ADARB2: variants seen among roughly 807,000 people sequenced by gnomAD.
ADARB2 encodes the protein inactive double-stranded RNA-specific editase B2.
Under a neutral mutation model 62.2 loss-of-function variants are expected in ADARB2, and 25 were observed. The observed-to-expected ratio is 0.40, with a 90% CI of 0.29 to 0.56. ADARB2 has a LOEUF of 0.56. Among genes scored for constraint, ADARB2 ranks in the 20% least tolerant of loss-of-function variants. ADARB2 has a pLI of 0.43. For missense variants in ADARB2, 1,071 were observed against 1,077.4 expected (o/e 0.99, Z 0.08); for synonymous variants, 572 against 500.8 (o/e 1.14, Z -1.90).
At chr10:1,692,548 G>T (rs535023274) in intron 1 of ADARB2, among the ~76,000 whole-genome samples, 31 of 152,154 alleles carry the variant, frequency 2.0e-4, no homozygotes, top group Non-Finnish European at 4.4e-4. Context: ...GGCAGACTAC[G>T]GAGCAGGAGT....
chr10:1,483,134 A>G (rs1054885357), intron 1 of ADARB2, among the ~76,000 whole-genome samples: 2 of 152,228 alleles, frequency 1.3e-5, no homozygotes, highest in Admixed American at 1.3e-4. Context: ...CTTTGAACCT[A>G]TGGTAAACAT....
chr10:1,183,900 C>T (rs1199603875), intron 9 of ADARB2, among the ~76,000 whole-genome samples: 2 of 152,358 alleles, frequency 1.3e-5, no homozygotes, highest in South Asian at 2.1e-4. Flanking sequence ...CCAAATCCCA[C>T]AGCGGGTCTT....
intron 3 of ADARB2, among the ~76,000 whole-genome samples, chr10:1,323,466 C>G (rs1831814437): frequency 6.6e-6 from 1 of 152,066 alleles, no homozygotes; most frequent in Non-Finnish European, 1.5e-5. Flanking sequence ...CATAGACAAG[C>G]TTATTCTAAA....
At chr10:1,247,727 A>G (rs1589164848) in intron 4 of ADARB2, among the ~76,000 whole-genome samples, 2 of 152,100 alleles carry the variant, frequency 1.3e-5, no homozygotes, top group East Asian at 3.9e-4. Context: ...TTTTCTTAAC[A>G]CCCCCATCAC....
At chr10:1,309,458 C>T (rs927524331) in intron 3 of ADARB2, among the ~76,000 whole-genome samples, 3 of 152,186 alleles carry the variant, frequency 2.0e-5, no homozygotes, top group Non-Finnish European at 4.4e-5. Context: ...GGGCTGGCTC[C>T]TAGGTTGGGG....
At chr10:1,685,081 C>T (rs756088321) in intron 1 of ADARB2, among the ~76,000 whole-genome samples, 2 of 152,106 alleles carry the variant, frequency 1.3e-5, no homozygotes, top group African/African-American at 2.4e-5. Flanking sequence ...AGGACCATGT[C>T]GAGTCTGGAG....
intron 1 of ADARB2, among the ~76,000 whole-genome samples, chr10:1,716,583 G>A (rs960188693): frequency 3.9e-5 from 6 of 152,192 alleles, no homozygotes; most frequent in Admixed American, 6.5e-5. Flanking sequence ...AACATGGCAT[G>A]TGTCTCTTTT....
intron 1 of ADARB2, among the ~76,000 whole-genome samples, chr10:1,417,396 G>A (rs1232400100): frequency 6.6e-6 from 1 of 152,136 alleles, no homozygotes; most frequent in Non-Finnish European, 1.5e-5. Flanking sequence ...AGCCCAGAGG[G>A]TCGGGAAGAG....
chr10:1,556,865 G>A (rs1427652039), intron 1 of ADARB2: 2 of 529,942 alleles, frequency 3.8e-6, no homozygotes, highest in Non-Finnish European at 7.8e-6. Context: ...CTCCTCATGG[G>A]GGAAGGTTTG....
At chr10:1,539,988 A>G (rs1832393257) in intron 1 of ADARB2, among the ~76,000 whole-genome samples, 1 of 152,198 alleles carries the variant, frequency 6.6e-6, no homozygotes. Flanking sequence ...GTGGTTGACA[A>G]GTGAACAAAA....
chr10:1,284,986 G>A (rs1177611868), intron 3 of ADARB2, among the ~76,000 whole-genome samples: 2 of 152,166 alleles, frequency 1.3e-5, no homozygotes, highest in African/African-American at 2.4e-5. Context: ...GGACAGGTGA[G>A]TGGCTGGGGA....
intron 1 of ADARB2, among the ~76,000 whole-genome samples, chr10:1,411,036 C>T (rs542749976): frequency 1.1e-4 from 17 of 152,288 alleles, no homozygotes; most frequent in Admixed American, 2.6e-4. Flanking sequence ...CTGGTGTCTG[C>T]GCTCCTCCCT....
intron 1 of ADARB2, among the ~76,000 whole-genome samples, chr10:1,488,667 G>C (rs142162730): frequency 6.6e-6 from 1 of 152,134 alleles, no homozygotes; most frequent in Non-Finnish European, 1.5e-5. Context: ...TCTTTTTGGC[G>C]AATGCACGTC....
At chr10:1,333,269 A>G (rs1389404353) in intron 3 of ADARB2, among the ~76,000 whole-genome samples, 5 of 152,184 alleles carry the variant, frequency 3.3e-5, no homozygotes, top group Non-Finnish European at 5.9e-5. Context: ...GCACCTAGTG[A>G]TGCTTTGCTG....
intron 1 of ADARB2, among the ~76,000 whole-genome samples, chr10:1,536,096 A>G (rs747490217): frequency 1.3e-5 from 2 of 152,156 alleles, no homozygotes; most frequent in African/African-American, 2.4e-5. Context: ...AGCTCCTGGC[A>G]GGGTGGGTCC....
intron 1 of ADARB2, among the ~76,000 whole-genome samples, chr10:1,711,415 T>G (rs1417684833): frequency 6.6e-6 from 1 of 152,148 alleles, no homozygotes; most frequent in Non-Finnish European, 1.5e-5. Flanking sequence ...GAGACCAGCA[T>G]GGATCCTAGG....
chr10:1,600,809 T>C (rs1833402633), intron 1 of ADARB2, among the ~76,000 whole-genome samples: 3 of 152,164 alleles, frequency 2.0e-5, no homozygotes, highest in South Asian at 2.1e-4. Flanking sequence ...CAGCACATGT[T>C]TGGGCAAATC....
In ADARB2 at chr10:1,255,629, T is replaced by C. The variant is rs934619677; in HGVS notation, c.1193-13330A>G. The stretch of plus-strand genomic sequence containing the variant: ...GTTCCCCATCAGGGAATGGAACTTC[T>C]CCAAACCTGATGGGCTGTCGGTGAG... On this transcript the variant is annotated intron_variant, in intron 4 of 9. Coordinates refer to ENST00000381312, the MANE Select transcript of ADARB2 (RefSeq NM_018702.4). The surrounding 1 kb of genome is among the most constrained non-coding windows in gnomAD (Gnocchi z 4.7). 1.3e-5 allele frequency among the ~76,000 whole-genome samples: 2 copies of C among 152,210 alleles called. No homozygotes were observed. Among genetic ancestry groups the C allele is most frequent in the African/African-American group, 4.8e-5 (2 of 41,458 alleles).
chr10:1,246,359 A>G (rs1238312873), intron 4 of ADARB2, among the ~76,000 whole-genome samples: 1 of 135,936 alleles, frequency 7.4e-6, no homozygotes, highest in African/African-American at 2.8e-5. Context: ...CCATTTGTCA[A>G]TTTTGTCTTT....
Sources: gnomAD v4.1 joint callset for allele counts (sites outside exome capture counted in the v4.1 genomes callset) on GRCh38, gnomAD v4.1.1 for gene constraint, Gnocchi (gnomAD v3.1) non-coding constraint, MANE v1.5 for transcripts, NCBI Gene and HGNC (gene_info 2026-07-23, HGNC 2026-07-21) for gene names.